LTV1: variants seen among roughly 807,000 people sequenced by gnomAD.
LTV1 encodes protein LTV1 homolog.
Under a neutral mutation model 59.9 loss-of-function variants are expected in LTV1, and 39 were observed. The ratio of observed to expected loss-of-function variants is 0.65; its 90% CI spans 0.50 to 0.85. LTV1 has a LOEUF of 0.85. Among genes scored for constraint, LTV1 ranks in the 40% least tolerant of loss-of-function variants. LTV1 has a pLI of 0.00. For synonymous variants in LTV1, 171 were observed against 189.5 expected (o/e 0.90, Z 0.80); for missense variants, 493 against 549.1 (o/e 0.90, Z 1.02).
At chr6:143,850,069 C>T (rs555235232) in intron 3 of LTV1, 62 bp from the exon 4 acceptor site, 55 of 1,338,422 alleles carry the variant, frequency 4.1e-5, no homozygotes, top group African/African-American at 7.2e-5. Context: ...GACTTCAACC[C>T]GGTACACTAG....
chr6:143,850,226 T>G lies in LTV1; in HGVS notation c.397+8T>G. ...AAGCAGCTCCAGTTTCAGGTATTTT[T>G]AATTGCTTTATCTTTTCATATGGAT... On this transcript the variant is annotated splice_region_variant and intron_variant, in intron 4 of 10. Transcript: ENST00000367576. The G allele has an allele frequency of 1.9e-6, 3 of 1,601,596 alleles. No homozygotes were observed. Among genetic ancestry groups the G allele is most frequent in the Non-Finnish European group, 2.6e-6 (3 of 1,169,564 alleles).
chr6:143,852,490 T>A (rs1776999697), intron 4 of LTV1, among the ~76,000 whole-genome samples: 1 of 152,200 alleles, frequency 6.6e-6, no homozygotes, highest in Non-Finnish European at 1.5e-5. Context: ...ATGGATTGAT[T>A]GCAAAAATTT....
chr6:143,845,027 A>T (rs1024023475), intron 2 of LTV1, among the ~76,000 whole-genome samples: 27 of 152,132 alleles, frequency 1.8e-4, no homozygotes, highest in African/African-American at 6.3e-4. Context: ...ATGCGGCATG[A>T]TGTTATTTAG....
intron 6 of LTV1, chr6:143,858,775 C>CTGTG (rs1777118827): frequency 1.3e-5 from 2 of 152,410 alleles, no homozygotes; most frequent in Non-Finnish European, 2.9e-5. Flanking sequence ...AGGCGCCTTG[C>CTGTG]TGTGTGCCTT....
At chr6:143,860,872 T>G (rs775064580) in intron 7 of LTV1, among the ~76,000 whole-genome samples, 1 of 151,970 alleles carries the variant, frequency 6.6e-6, no homozygotes, top group Non-Finnish European at 1.5e-5. Flanking sequence ...AGAAGAGTCA[T>G]GGTAGAATGT....
rs1448301501 is a variant in LTV1, at chr6:143,857,917, A to C, written c.705A>C (p.Glu235Asp). The stretch of plus-strand genomic sequence containing the variant: ...CAGATCACTTGTTCTGGAGTGAGGA[A>C]ACAAAGAGTCGCTTCACGGAGTATT... ...AIADHLFWSE[E>D]TKSRFTEYSM... The change falls in exon 6 of 11, where the codon GAA becomes GAC. Residue 235 changes from glutamate (E) to aspartate (D), a missense_variant. Coordinates refer to ENST00000367576, the MANE Select transcript of LTV1 (RefSeq NM_032860.5). This position sits in a 1 kb window ranked among gnomAD's most constrained non-coding sequence, Gnocchi z 5.2. 1.2e-6 allele frequency: 2 copies of C among 1,614,176 alleles called. No individual in the cohort carries two copies.
chr6:143,848,907 C>T (rs546524837), intron 3 of LTV1, among the ~76,000 whole-genome samples: 72 of 152,184 alleles, frequency 4.7e-4, no homozygotes, highest in African/African-American at 1.7e-3. Context: ...CACATGCGCG[C>T]CAAGTAAAGT....
At chr6:143,844,672 CTTTT>C in intron 2 of LTV1, 55 bp downstream of exon 2, 1 of 1,264,974 alleles carries the variant, frequency 7.9e-7, no homozygotes, top group Non-Finnish European at 1.1e-6. Flanking sequence ...TTTTTTTTTT[CTTTT>C]TTTTTTTTTA....
chr6:143,860,725 A>T (rs1029094066), intron 7 of LTV1, among the ~76,000 whole-genome samples, 172 bp downstream of exon 7: 3 of 152,188 alleles, frequency 2.0e-5, no homozygotes, highest in Admixed American at 2.0e-4. Flanking sequence ...ATAGGGCGGA[A>T]AAAAGAAAGT....
chr6:143,844,692 A>G (rs1444475171), intron 2 of LTV1, 75 bp downstream of exon 2: 1 of 1,461,766 alleles, frequency 6.8e-7, no homozygotes, highest in Non-Finnish European at 9.2e-7. Flanking sequence ...TTTTAAATAA[A>G]TAGAGTCTTA....
Position 143,860,482 on chromosome 6 carries a change from A to G in LTV1, c.852A>G (p.Glu284=), listed in dbSNP as rs7454959. 82,809 of 1,613,018 alleles carry G rather than the reference A, an allele frequency of 0.051. 2,498 individuals carry two copies. The highest frequency in any genetic ancestry group is 0.093 in the South Asian group (8,463 of 90,886). ...GAGCTCTGGATAATGCAGAATTGGA[A>G]GGTTCTATTCAAGTGGACAGCAATC... ...EIGALDNAEL[E]GSIQVDSNRL... Residue 284 remains glutamate, a synonymous_variant, in exon 7 of 11, where the codon GAA becomes GAG. Transcript: ENST00000367576.
intron 1 of LTV1, among the ~76,000 whole-genome samples, chr6:143,843,996 C>A (rs1776846727): frequency 6.6e-6 from 1 of 152,214 alleles, no homozygotes; most frequent in South Asian, 2.1e-4. Context: ...GGTGATGGAT[C>A]TTATTAAACT....
chr6:143,863,552 A>G lies in LTV1; in HGVS notation c.*25A>G, dbSNP rs1160768195. 2 of 1,473,562 alleles carry G rather than the reference A, an allele frequency of 1.4e-6. No homozygotes were observed. Among genetic ancestry groups the G allele is most frequent in the Non-Finnish European group, 9.3e-7 (1 of 1,072,838 alleles). The allele number at this position is 1,473,562 out of a possible 1,614,324, so 91.3% of individuals were successfully genotyped here. On this transcript the variant is annotated 3_prime_UTR_variant, in exon 11 of 11. Transcript: ENST00000367576. The surrounding 1 kb of genome is among the most constrained non-coding windows in gnomAD (Gnocchi z 4.5). ...GACAGTGGAGCATACAGGGCAAGGC[A>G]CTTTATTAGGGGCTCCTCATCTTTG...
intron 1 of LTV1, among the ~76,000 whole-genome samples, chr6:143,844,070 C>T (rs982951142): frequency 9.9e-5 from 15 of 152,212 alleles, no homozygotes; most frequent in Non-Finnish European, 1.5e-5. Context: ...GCTGTCTACT[C>T]CAGATTATGT....
chr6:143,861,818 A>T, intron 7 of LTV1, among the ~76,000 whole-genome samples: 1 of 152,004 alleles, frequency 6.6e-6, no homozygotes, highest in Non-Finnish European at 1.5e-5. Context: ...CAGATGAGTT[A>T]TGCTTTTTTA....
chr6:143,857,829 C>G lies in LTV1; in HGVS notation c.617C>G (p.Ser206Cys). The change falls in exon 6 of 11, where the codon TCT becomes TGT. Residue 206 changes from serine to cysteine, a missense_variant. Transcript: ENST00000367576. The surrounding 1 kb of genome is among the most constrained non-coding windows in gnomAD (Gnocchi z 5.2). ...EKGDSNDDYD[S>C]AGLLSDEDCM... is the part of the protein sequence containing the mutation. ...GGAGATAGCAATGATGACTATGACT[C>G]TGCAGGCCTATTGTCAGATGAAGAC... The G allele has an allele frequency of 6.2e-7, 1 of 1,614,060 alleles. No individual in the cohort carries two copies. The highest frequency in any genetic ancestry group is 8.5e-7 in the Non-Finnish European group (1 of 1,179,968).
At chr6:143,844,726 A>T in intron 2 of LTV1, 109 bp downstream of exon 2, 1 of 1,204,032 alleles carries the variant, frequency 8.3e-7, no homozygotes, top group Non-Finnish European at 1.1e-6. Context: ...GCTGGTCTCG[A>T]ACTCCTGGAC....
chr6:143,857,696 T>C lies in LTV1; in HGVS notation c.540-56T>C. The C allele has an allele frequency of 6.3e-7, 1 of 1,590,330 alleles. No individual in the cohort carries two copies. The highest frequency in any genetic ancestry group is 8.6e-7 in the Non-Finnish European group (1 of 1,160,752). On this transcript the variant is annotated intron_variant, in intron 5 of 10. Transcript: ENST00000367576. The surrounding 1 kb of genome is among the most constrained non-coding windows in gnomAD (Gnocchi z 5.2). Reference sequence around the variant, plus strand: ...TCCAATTTTACTTGTGTAAAGTGGTTTTGTTCTGTTACTTTTTAAGTTGTT... The same window carrying C: ...TCCAATTTTACTTGTGTAAAGTGGTCTTGTTCTGTTACTTTTTAAGTTGTT...
intron 4 of LTV1, among the ~76,000 whole-genome samples, chr6:143,852,523 GTT>G (rs1335989762): frequency 6.6e-6 from 1 of 152,138 alleles, no homozygotes; most frequent in African/African-American, 2.4e-5. Context: ...TGGGTTGCCT[GTT>G]GACTCTGATG....
Sources: gnomAD v4.1 joint callset for allele counts (sites outside exome capture counted in the v4.1 genomes callset) on GRCh38, gnomAD v4.1.1 for gene constraint, Gnocchi (gnomAD v3.1) non-coding constraint, MANE v1.5 for transcripts, NCBI Gene and HGNC (gene_info 2026-07-23, HGNC 2026-07-21) for gene names.